The following GALNTL6 variants were observed in gnomAD, a reference collection of about 807,000 sequenced individuals.
The protein encoded by GALNTL6 is polypeptide N-acetylgalactosaminyltransferase like 6.
In GALNTL6, 46 loss-of-function variants were observed where a neutral mutation model predicts 73.7. The ratio of observed to expected loss-of-function variants is 0.62; its 90% CI spans 0.49 to 0.80. The LOEUF (loss-of-function observed/expected upper bound fraction) is 0.80, where lower values mean the gene tolerates loss of function less well. Ranked by LOEUF, GALNTL6 falls within the 30% of genes least tolerant of loss-of-function variation. The pLI, the probability that GALNTL6 is intolerant of heterozygous loss-of-function variation, is 0.00. For missense variants in GALNTL6, 604 were observed against 755.0 expected (o/e 0.80, Z 2.34); for synonymous variants, 259 against 263.7 (o/e 0.98, Z 0.17).
At chr4:171,844,034 C>T (rs1735308322) in intron 2 of GALNTL6, among the ~76,000 whole-genome samples, 1 of 152,090 alleles carries the variant, frequency 6.6e-6, no homozygotes. Flanking sequence ...TGTGTAAATG[C>T]TCTTCTACTA....
intron 10 of GALNTL6, among the ~76,000 whole-genome samples, chr4:172,977,797 A>G (rs1750887622): frequency 6.6e-6 from 1 of 152,086 alleles, no homozygotes; most frequent in Non-Finnish European, 1.5e-5. Context: ...GCTTGTTCAT[A>G]TGTCGCATGT....
intron 5 of GALNTL6, among the ~76,000 whole-genome samples, chr4:172,396,446 G>GA (rs1465421587): frequency 6.6e-6 from 1 of 151,616 alleles, no homozygotes; most frequent in Non-Finnish European, 1.5e-5. Flanking sequence ...TTCATGGCAA[G>GA]AAAAAATCTC....
chr4:172,627,114 A>C (rs1226216618), intron 5 of GALNTL6, among the ~76,000 whole-genome samples: 1 of 152,090 alleles, frequency 6.6e-6, no homozygotes, highest in Non-Finnish European at 1.5e-5. Flanking sequence ...TCCATTCAAT[A>C]TGATGTTGGC....
chr4:172,476,320 C>T (rs1366716130), intron 5 of GALNTL6, among the ~76,000 whole-genome samples: 1 of 152,178 alleles, frequency 6.6e-6, no homozygotes, highest in Non-Finnish European at 1.5e-5. Context: ...GCACTAATTG[C>T]ATTCATGTGG....
At chr4:172,072,332 G>A (rs1731570120) in intron 2 of GALNTL6, among the ~76,000 whole-genome samples, 1 of 151,852 alleles carries the variant, frequency 6.6e-6, no homozygotes, top group Non-Finnish European at 1.5e-5. Flanking sequence ...CTAAGGTTTG[G>A]TCCTTAGGGT....
rs191035100 is a variant in GALNTL6 at position 172,373,470 on chromosome 4, C to A, written c.553+24781C>A. 9.8e-3 allele frequency among the ~76,000 whole-genome samples: 1,488 copies of A among 152,334 alleles called. 12 individuals are homozygous for A. Among genetic ancestry groups the A allele is most frequent in the Non-Finnish European group, 0.017 (1,167 of 68,030 alleles). On this transcript the variant is annotated intron_variant, in intron 5 of 12. Coordinates refer to ENST00000506823, the MANE Select transcript of GALNTL6 (RefSeq NM_001034845.3). ...GGTGTTGCAGGGACTGCTGCATTTCCTTACTAAGCCTTGAGCTTTTAAATG... is the reference window on the plus strand; with the variant it reads ...GGTGTTGCAGGGACTGCTGCATTTCATTACTAAGCCTTGAGCTTTTAAATG...
chr4:172,421,137 A>C (rs1025053612), intron 5 of GALNTL6, among the ~76,000 whole-genome samples: 4 of 152,096 alleles, frequency 2.6e-5, no homozygotes, highest in African/African-American at 4.8e-5. Context: ...TACTTTCAGC[A>C]CATGTATCCC....
intron 2 of GALNTL6, among the ~76,000 whole-genome samples, chr4:172,218,428 G>A (rs995669637): frequency 1.3e-5 from 2 of 152,034 alleles, no homozygotes; most frequent in East Asian, 1.9e-4. Context: ...TACAATGGGG[G>A]CTCCCTAAGA....
intron 5 of GALNTL6, among the ~76,000 whole-genome samples, chr4:172,653,633 C>T (rs1740602014): frequency 6.6e-6 from 1 of 152,136 alleles, no homozygotes; most frequent in Non-Finnish European, 1.5e-5. Flanking sequence ...TGCTATCTTC[C>T]CCCCAACAGA....
At chr4:172,385,174 T>G (rs1247627720) in intron 5 of GALNTL6, among the ~76,000 whole-genome samples, 1 of 152,018 alleles carries the variant, frequency 6.6e-6, no homozygotes, top group Non-Finnish European at 1.5e-5. Context: ...CCTTTTAAAT[T>G]TATCGAGGTA....
At chr4:172,626,139 C>T (rs1739159725) in intron 5 of GALNTL6, among the ~76,000 whole-genome samples, 1 of 151,828 alleles carries the variant, frequency 6.6e-6, no homozygotes, top group South Asian at 2.1e-4. Flanking sequence ...GTCTAGCATC[C>T]TCATAGTCTG....
chr4:172,756,372 T>G (rs1474551536), intron 5 of GALNTL6, among the ~76,000 whole-genome samples: 1 of 152,206 alleles, frequency 6.6e-6, no homozygotes, highest in Non-Finnish European at 1.5e-5. Flanking sequence ...GGCTGGGCGC[T>G]GTGGCTCACG....
intron 2 of GALNTL6, among the ~76,000 whole-genome samples, chr4:172,138,576 C>G (rs1259910797): frequency 1.8e-5 from 2 of 108,628 alleles, no homozygotes; most frequent in African/African-American, 7.3e-5. Context: ...GTCGCTCAGG[C>G]TAGAGTGCAG....
At chr4:172,745,521 G>A (rs950088958) in intron 5 of GALNTL6, among the ~76,000 whole-genome samples, 1 of 151,466 alleles carries the variant, frequency 6.6e-6, no homozygotes, top group South Asian at 2.1e-4. Flanking sequence ...CTGACCAGCA[G>A]TGTGAAGAAT....
intron 2 of GALNTL6, among the ~76,000 whole-genome samples, chr4:172,062,297 T>C (rs999518882): frequency 6.6e-6 from 1 of 152,134 alleles, no homozygotes; most frequent in African/African-American, 2.4e-5. Flanking sequence ...AATTTAATAA[T>C]GTGTTTAATG....
chr4:172,953,568 G>A (rs545430332), intron 10 of GALNTL6, among the ~76,000 whole-genome samples: 1 of 152,334 alleles, frequency 6.6e-6, no homozygotes, highest in African/African-American at 2.4e-5. Flanking sequence ...GGAGAGGCCA[G>A]AGGACTCAGG....
At chr4:172,141,108 T>C (rs1004135965) in intron 2 of GALNTL6, among the ~76,000 whole-genome samples, 1 of 152,006 alleles carries the variant, frequency 6.6e-6, no homozygotes, top group Non-Finnish European at 1.5e-5. Flanking sequence ...AGAAAAATAA[T>C]TTTATGTAGT....
chr4:172,518,001 A>G (rs1196126696), intron 5 of GALNTL6, among the ~76,000 whole-genome samples: 1 of 152,080 alleles, frequency 6.6e-6, no homozygotes, highest in Non-Finnish European at 1.5e-5. Flanking sequence ...AAAGGCAAGC[A>G]CAGTTATTGA....
chr4:171,834,494 T>C (rs1488381444), intron 2 of GALNTL6, among the ~76,000 whole-genome samples: 1 of 152,012 alleles, frequency 6.6e-6, no homozygotes, highest in Non-Finnish European at 1.5e-5. Flanking sequence ...ATACTGACCC[T>C]GGTAAACACT....
Sources: gnomAD v4.1 joint callset for allele counts (sites outside exome capture counted in the v4.1 genomes callset) on GRCh38, gnomAD v4.1.1 for gene constraint, MANE v1.5 for transcripts, NCBI Gene and HGNC (gene_info 2026-07-23, HGNC 2026-07-21) for gene names.